UBR3: variants seen among roughly 807,000 people sequenced by gnomAD.
UBR3 encodes E3 ubiquitin-protein ligase UBR3.
In UBR3, 85 loss-of-function variants were observed where a neutral mutation model predicts 243.2. The ratio of observed to expected loss-of-function variants is 0.35; its 90% CI spans 0.29 to 0.42. The LOEUF (loss-of-function observed/expected upper bound fraction) is 0.42. Ranked by LOEUF, UBR3 falls within the 10% of genes least tolerant of loss-of-function variation. The pLI is 1.00. For synonymous variants in UBR3, 748 were observed against 799.8 expected, an observed-to-expected ratio of 0.94 and a Z score of 1.09; for missense variants, 1,686 against 2,300.8, an observed-to-expected ratio of 0.73 and a Z score of 5.47.
At chr2:169,898,703 C>CA (rs2105329311) in intron 8 of UBR3, among the ~76,000 whole-genome samples, 1 of 116,234 alleles carries the variant, frequency 8.6e-6, no homozygotes, top group East Asian at 2.5e-4. Flanking sequence ...GAGTTTCACT[C>CA]TTTTTTTTTT....
At chr2:170,080,325 G>A (rs1038588129) in intron 37 of UBR3, 2 of 594,844 alleles carry the variant, frequency 3.4e-6, no homozygotes, top group South Asian at 5.4e-5. Flanking sequence ...ACTAGACTCT[G>A]AATTAGGTTG....
chr2:169,846,625 G>A lies in UBR3; in HGVS notation c.545+18573G>A, dbSNP rs576617272. On this transcript the variant is annotated intron_variant, in intron 1 of 38. Transcript: ENST00000272793. ...CTTGGGAGGCTGAGGCAGGAGAATC[G>A]CTTGAACCCAGGAGGTGGAGGTTGC... Among the ~76,000 whole-genome samples, 99 of 150,938 alleles carry A rather than the reference G, an allele frequency of 6.6e-4. No individual in the cohort carries two copies. In the Middle Eastern group the frequency reaches 0.021, roughly 31 times the overall value.
At chr2:170,032,473 TAAC>T (rs764648436) in intron 31 of UBR3, among the ~76,000 whole-genome samples, 10 of 152,024 alleles carry the variant, frequency 6.6e-5, no homozygotes, top group Non-Finnish European at 7.4e-5. Context: ...AAGTACTGTG[TAAC>T]AACAACAACA....
chr2:169,989,043 C>T (rs2089159719), intron 25 of UBR3, among the ~76,000 whole-genome samples: 1 of 152,002 alleles, frequency 6.6e-6, no homozygotes, highest in South Asian at 2.1e-4. Context: ...AAAGTGAACC[C>T]CCATGTCCCC....
In UBR3 at chr2:169,923,936, C is replaced by T; in HGVS notation, c.1874C>T (p.Pro625Leu). ...TTTGTTTGTTTATTCCAGCCAGCAC[C>T]TAACCAAGTCACTTTTCATCTGCCA... ...DAINFVDEPA[P>L]NQVTFHLPLH... The change falls in exon 12 of 39, where the codon CCT becomes CTT. Residue 625 changes from proline (P) to leucine (L), a missense_variant. Pro to Leu is a moderately conservative substitution (Grantham distance 98, BLOSUM62 -3). Transcript: ENST00000272793. 6.5e-7 allele frequency: 1 copy of T among 1,545,682 alleles called. No individual in the cohort carries two copies. Among genetic ancestry groups the T allele is most frequent in the East Asian group, 2.5e-5 (1 of 40,792 alleles).
At position 169,881,613 on chromosome 2, in the gene UBR3, C is replaced by CT. The variant is rs779216560; in HGVS notation, c.1038+3053dup. Among the ~76,000 whole-genome samples the CT allele has an allele frequency of 7.7e-3, 881 of 114,640 alleles. 3 individuals are homozygous for CT. The highest frequency in any genetic ancestry group is 0.02 in the African/African-American group (612 of 30,810). The allele number at this position is 114,640 out of a possible 152,430, so 75.2% of individuals were successfully genotyped here. A position where few individuals can be genotyped will look rare whatever the true frequency, so the allele number is the denominator to read the frequency against. On this transcript the variant is annotated intron_variant, in intron 5 of 38. Coordinates refer to ENST00000272793, the MANE Select transcript of UBR3 (RefSeq NM_172070.4). ...AGCCAGAGGTATCTACCGTATGTTT[C>CT]TTTTTTTTTTTTTTGAGATAGGGTC...
At chr2:169,923,605 A>G (rs1288576603) in intron 11 of UBR3, among the ~76,000 whole-genome samples, 2 of 152,184 alleles carry the variant, frequency 1.3e-5, no homozygotes, top group Non-Finnish European at 2.9e-5. Flanking sequence ...CTGTAGCTGG[A>G]AATCCATTCC....
intron 2 of UBR3, among the ~76,000 whole-genome samples, chr2:169,875,497 T>A (rs2083574498): frequency 6.6e-6 from 1 of 152,134 alleles, no homozygotes; most frequent in Non-Finnish European, 1.5e-5. Flanking sequence ...CTTGGTTAAT[T>A]TTTTGTATTT....
intron 26 of UBR3, among the ~76,000 whole-genome samples, chr2:169,996,235 A>G: frequency 6.6e-6 from 1 of 152,186 alleles, no homozygotes; most frequent in Middle Eastern, 3.2e-3. Flanking sequence ...ACCTACAGGG[A>G]GGTATTGTGT....
At chr2:169,973,289 T>C (rs1054579261) in intron 24 of UBR3, among the ~76,000 whole-genome samples, 2 of 142,208 alleles carry the variant, frequency 1.4e-5, no homozygotes, top group African/African-American at 5.3e-5. Context: ...TGGAAGAACA[T>C]TCCATGCTCA....
chr2:169,950,159 T>G, intron 23 of UBR3, 94 bp downstream of exon 23: 2 of 1,163,184 alleles, frequency 1.7e-6, no homozygotes, highest in Non-Finnish European at 2.4e-6. Flanking sequence ...CCTGGATGTT[T>G]AACAGGAACA....
chr2:169,984,313 A>G (rs763189483), intron 24 of UBR3, among the ~76,000 whole-genome samples: 3 of 152,190 alleles, frequency 2.0e-5, no homozygotes, highest in Non-Finnish European at 4.4e-5. Flanking sequence ...GTTTTAACAA[A>G]CAGATTGTGA....
intron 6 of UBR3, among the ~76,000 whole-genome samples, chr2:169,893,564 A>G (rs958773580): frequency 1.3e-5 from 2 of 152,104 alleles, no homozygotes; most frequent in Admixed American, 6.6e-5. Flanking sequence ...ATTATAATTT[A>G]TTTTTTTCAG....
rs576450537 is a variant in UBR3 at position 169,871,232 on chromosome 2, G to T, written c.546-1004G>T. Among the ~76,000 whole-genome samples the T allele has an allele frequency of 7.2e-5, 11 of 151,816 alleles. No homozygotes were observed. The East Asian group carries it at 1.9e-3, about 27-fold the overall frequency. On this transcript the variant is annotated intron_variant, in intron 1 of 38. Coordinates refer to ENST00000272793, the MANE Select transcript of UBR3 (RefSeq NM_172070.4). ...TTTGGGAGGTCAAGGCTGGAGGATC[G>T]CTTGAGGCCAAGAGTTGTACATCAG...
At chr2:169,977,418 A>G (rs1053637151) in intron 24 of UBR3, among the ~76,000 whole-genome samples, 12 of 152,162 alleles carry the variant, frequency 7.9e-5, no homozygotes, top group African/African-American at 2.9e-4. Flanking sequence ...AGCTAGTACC[A>G]TGGTTCATTC....
At chr2:169,895,885 CT>C (rs1276879603) in intron 7 of UBR3, among the ~76,000 whole-genome samples, 2 of 151,710 alleles carry the variant, frequency 1.3e-5, no homozygotes, top group Non-Finnish European at 2.9e-5. Context: ...ATAAAGCATG[CT>C]GTTATTTTTA....
chr2:169,831,450 G>A lies in UBR3; in HGVS notation c.545+3398G>A, dbSNP rs115888742. ...CAGGCATGAGCCACCACACCCGGCCGGATACATAATATTTAAAGATTTATT... is the reference window on the plus strand; with the variant it reads ...CAGGCATGAGCCACCACACCCGGCCAGATACATAATATTTAAAGATTTATT... On this transcript the variant is annotated intron_variant, in intron 1 of 38. Coordinates refer to ENST00000272793, the MANE Select transcript of UBR3 (RefSeq NM_172070.4). 2.3e-3 allele frequency among the ~76,000 whole-genome samples: 356 copies of A among 151,732 alleles called. 2 individuals are homozygous for A. Among genetic ancestry groups the A allele is most frequent in the African/African-American group, 8.3e-3 (345 of 41,384 alleles).
At chr2:170,018,131 ACT>A (rs1317129128) in intron 30 of UBR3, among the ~76,000 whole-genome samples, 8 of 152,212 alleles carry the variant, frequency 5.3e-5, no homozygotes, top group African/African-American at 1.9e-4. Flanking sequence ...AGTCAAAGAC[ACT>A]CTACTGTACA....
At chr2:169,972,240 A>G (rs1293445817) in intron 24 of UBR3, among the ~76,000 whole-genome samples, 5 of 152,190 alleles carry the variant, frequency 3.3e-5, no homozygotes. Context: ...TGAATAGACC[A>G]ATAACAGGAG....
Sources: gnomAD v4.1 joint callset for allele counts (sites outside exome capture counted in the v4.1 genomes callset) on GRCh38, gnomAD v4.1.1 for gene constraint, MANE v1.5 for transcripts, NCBI Gene and HGNC (gene_info 2026-07-23, HGNC 2026-07-21) for gene names.